The following UST variants were observed in gnomAD, a reference collection of about 807,000 sequenced individuals.
The protein encoded by UST is uronyl 2-sulfotransferase.
In UST, 21 loss-of-function variants were observed where a neutral mutation model predicts 45.6. The ratio of observed to expected loss-of-function variants is 0.46; its 90% CI spans 0.33 to 0.66. The LOEUF (loss-of-function observed/expected upper bound fraction) is 0.66, where lower values mean the gene tolerates loss of function less well. Among genes scored for constraint, UST ranks in the 30% least tolerant of loss-of-function variants. The pLI is 0.02. For missense variants in UST, 463 were observed against 512.4 expected (o/e 0.90, Z 0.93); for synonymous variants, 215 against 200.6 (o/e 1.07, Z -0.61).
intron 1 of UST, among the ~76,000 whole-genome samples, chr6:148,749,869 A>G (rs979807004): frequency 6.6e-6 from 1 of 152,220 alleles, no homozygotes; most frequent in Non-Finnish European, 1.5e-5. Flanking sequence ...TCAAAATGAC[A>G]TCATTGTGAA....
intron 5 of UST, among the ~76,000 whole-genome samples, chr6:148,982,104 G>GTTT (rs34290272): frequency 1.4e-5 from 2 of 145,276 alleles, no homozygotes; most frequent in Admixed American, 6.9e-5. Context: ...AGCCTTTTTT[G>GTTT]TTTTTTTTTT....
intron 5 of UST, among the ~76,000 whole-genome samples, chr6:148,967,072 T>C (rs1309243954): frequency 6.6e-6 from 1 of 152,072 alleles, no homozygotes; most frequent in Non-Finnish European, 1.5e-5. Context: ...TCATAAAATA[T>C]TGAAAGTTGG....
At chr6:148,877,728 G>A (rs191335387) in intron 1 of UST, among the ~76,000 whole-genome samples, 5 of 116,084 alleles carry the variant, frequency 4.3e-5, no homozygotes, top group Non-Finnish European at 6.7e-5. Flanking sequence ...TGGGGTGGTC[G>A]TGTATGAGTG....
At chr6:148,928,267 G>T (rs1582903897) in intron 2 of UST, among the ~76,000 whole-genome samples, 1 of 152,142 alleles carries the variant, frequency 6.6e-6, no homozygotes, top group East Asian at 1.9e-4. Flanking sequence ...TCCTGATGAG[G>T]ATTTTCTTAT....
intron 5 of UST, among the ~76,000 whole-genome samples, chr6:148,968,189 G>A (rs1370685492): frequency 2.0e-5 from 3 of 152,206 alleles, no homozygotes; most frequent in Non-Finnish European, 2.9e-5. Flanking sequence ...ATCATTTGAT[G>A]TAACATCGTC....
rs572271658 is a variant in UST at position 148,951,816 on chromosome 6, A to G, written c.448-2056A>G. ...TAGTACCTTGATTCTATGTTTAAAGATAACGTCTAGAAAGAGTTATACATT... is the reference window on the plus strand; with the variant it reads ...TAGTACCTTGATTCTATGTTTAAAGGTAACGTCTAGAAAGAGTTATACATT... On this transcript the variant is annotated intron_variant, in intron 3 of 7. Transcript: ENST00000367463. 4.6e-5 allele frequency among the ~76,000 whole-genome samples: 7 copies of G among 152,354 alleles called. No individual in the cohort carries two copies. The South Asian group carries it at 1.5e-3, about 32-fold the overall frequency.
At chr6:148,820,770 G>A (rs963414697) in intron 1 of UST, among the ~76,000 whole-genome samples, 7 of 149,568 alleles carry the variant, frequency 4.7e-5, no homozygotes, top group African/African-American at 1.7e-4. Flanking sequence ...GGAGAATGGC[G>A]TGAACCTGGG....
At chr6:148,926,495 T>G (rs1166489497) in intron 2 of UST, among the ~76,000 whole-genome samples, 3 of 152,216 alleles carry the variant, frequency 2.0e-5, no homozygotes, top group South Asian at 4.1e-4. Context: ...CCTCTTATCT[T>G]CGTTCTCTGT....
chr6:148,771,370 G>A (rs555190609), intron 1 of UST, among the ~76,000 whole-genome samples: 1 of 152,224 alleles, frequency 6.6e-6, no homozygotes, highest in Non-Finnish European at 1.5e-5. Context: ...TGCATTCTGA[G>A]CGTAGCTTTT....
chr6:149,051,343 G>A (rs1776483003), intron 7 of UST, among the ~76,000 whole-genome samples: 1 of 152,190 alleles, frequency 6.6e-6, no homozygotes, highest in Non-Finnish European at 1.5e-5. Flanking sequence ...GACCAGACAT[G>A]ATGTAGAAAG....
chr6:149,010,494 T>G (rs947555699), intron 5 of UST, among the ~76,000 whole-genome samples: 6 of 152,176 alleles, frequency 3.9e-5, no homozygotes, highest in African/African-American at 1.2e-4. Context: ...AAATGCTTAG[T>G]AAACTTTGCT....
intron 1 of UST, among the ~76,000 whole-genome samples, chr6:148,859,050 T>C (rs148427688): frequency 0.015 from 2,285 of 152,330 alleles, 46 homozygotes; most frequent in African/African-American, 0.053. Flanking sequence ...TATTTCTAGT[T>C]CTAGATCCTT....
intron 1 of UST, among the ~76,000 whole-genome samples, chr6:148,800,672 G>GA (rs1229729467): frequency 6.6e-6 from 1 of 151,910 alleles, no homozygotes; most frequent in African/African-American, 2.4e-5. Context: ...AAGGGGTAGG[G>GA]TTTTTCTTGC....
intron 4 of UST, among the ~76,000 whole-genome samples, chr6:148,957,334 A>C (rs1005723725): frequency 2.0e-5 from 3 of 152,244 alleles, no homozygotes; most frequent in African/African-American, 7.2e-5. Flanking sequence ...GGGACATTAA[A>C]AAATCAGCTT....
chr6:148,975,314 T>G (rs888793384), intron 5 of UST, among the ~76,000 whole-genome samples: 2 of 152,214 alleles, frequency 1.3e-5, no homozygotes, highest in African/African-American at 2.4e-5. Context: ...GAATATCATC[T>G]TGTCTCTCAG....
chr6:149,019,170 C>G lies in UST; in HGVS notation c.713C>G (p.Pro238Arg), dbSNP rs529542591. 2 of 1,613,962 alleles carry G rather than the reference C, an allele frequency of 1.2e-6. No homozygotes were observed. The highest frequency in any genetic ancestry group is 1.7e-6 in the Non-Finnish European group (2 of 1,179,928). Residue 238 changes from proline to arginine, a missense_variant, in exon 6 of 8, where the codon CCC becomes CGC. Coordinates refer to ENST00000367463, the MANE Select transcript of UST (RefSeq NM_005715.3). ...AATGAGTGTATTCTTGAAAACTATC[C>G]CGAGTGCTCCAACCCCAGGTTATTT... is the stretch of plus-strand genomic sequence containing the variant. ...DINECILENY[P>R]ECSNPRLFYI...
intron 2 of UST, among the ~76,000 whole-genome samples, chr6:148,914,455 A>AT (rs1298665200): frequency 6.6e-6 from 1 of 152,180 alleles, no homozygotes; most frequent in Non-Finnish European, 1.5e-5. Context: ...ATGGTCAGGC[A>AT]TTAGATTCTC....
intron 5 of UST, among the ~76,000 whole-genome samples, chr6:148,997,982 C>A (rs1242562861): frequency 1.3e-5 from 2 of 152,068 alleles, no homozygotes; most frequent in African/African-American, 4.8e-5. Context: ...CCTGGATAAC[C>A]AGAGGTTGAA....
chr6:148,990,148 G>A (rs979138674), intron 5 of UST, among the ~76,000 whole-genome samples: 2 of 152,124 alleles, frequency 1.3e-5, no homozygotes, highest in African/African-American at 4.8e-5. Flanking sequence ...ACTGAAAGGT[G>A]CTATACACCA....
Sources: allele counts gnomAD v4.1 joint callset (sites outside exome capture counted in the v4.1 genomes callset), GRCh38; gene constraint gnomAD v4.1.1; transcripts MANE v1.5; gene names NCBI Gene and HGNC (gene_info 2026-07-23, HGNC 2026-07-21).